LRRC38: variants seen among roughly 807,000 people sequenced by gnomAD.
The protein encoded by LRRC38 is leucine-rich repeat-containing protein 38.
In LRRC38, 5 loss-of-function variants were observed where a neutral mutation model predicts 16.4. The ratio of observed to expected loss-of-function variants is 0.31; its 90% CI spans 0.16 to 0.64. The LOEUF is 0.64. LRRC38 is among the 30% of genes least tolerant of loss of function. The pLI, the probability that LRRC38 is intolerant of heterozygous loss-of-function variation, is 0.80. For missense variants in LRRC38, 341 were observed against 401.8 expected (o/e 0.85, Z 1.29); for synonymous variants, 191 against 190.2 (o/e 1.00, Z -0.04).
rs1177318071 is a variant in LRRC38, at chr1:13,513,012, G to C, written c.582C>G (p.Phe194Leu). The stretch of plus-strand genomic sequence containing the variant: ...CCTGGATCCAGGAGAAGAGGTGGGC[G>C]AAGTCACAGTCGCACAGCCAGGGGT... Reference protein sequence around the residue: ...DGNPWLCDCDFAHLFSWIQEN... With the variant: ...DGNPWLCDCDLAHLFSWIQEN... The change falls in exon 1 of 2, where the codon TTC (phenylalanine) becomes TTG (leucine). Residue 194 changes from phenylalanine (F) to leucine (L), a missense_variant. Coordinates refer to ENST00000376085, the MANE Select transcript of LRRC38 (RefSeq NM_001010847.2). 1 of 1,549,752 alleles carries C rather than the reference G, an allele frequency of 6.5e-7. No individual in the cohort carries two copies. Among genetic ancestry groups the C allele is most frequent in the South Asian group, 1.2e-5 (1 of 83,976 alleles).
chr1:13,511,306 A>G (rs898079318), intron 1 of LRRC38, among the ~76,000 whole-genome samples: 1 of 152,132 alleles, frequency 6.6e-6, no homozygotes, highest in Non-Finnish European at 1.5e-5. Flanking sequence ...GTGAAGCTTA[A>G]AAAACTGGAG....
chr1:13,509,194 T>C (rs1405912363), intron 1 of LRRC38, among the ~76,000 whole-genome samples: 1 of 152,040 alleles, frequency 6.6e-6, no homozygotes, highest in East Asian at 1.9e-4. Flanking sequence ...TACACCTCCA[T>C]GCGTCAAGGT....
chr1:13,499,546 T>C (rs567655407), intron 1 of LRRC38, among the ~76,000 whole-genome samples: 3 of 152,328 alleles, frequency 2.0e-5, no homozygotes, highest in African/African-American at 7.2e-5. Context: ...AGGAATTTGC[T>C]TCCTTTGTCA....
In LRRC38 at chr1:13,476,074, C is replaced by A; in HGVS notation, c.657G>T (p.Leu219=). ...GGGATATCCTCCTGCTCTCCATGGG[C>A]AGGGAGCACTGGATTTCATCAAGGC... is the stretch of plus-strand genomic sequence containing the variant. ...PKGLDEIQCS[L]PMESRRISLR... is the part of the protein sequence containing the mutation. Residue 219 remains leucine, a synonymous_variant, in exon 2 of 2, where the codon CTG becomes CTT. Coordinates refer to ENST00000376085, the MANE Select transcript of LRRC38 (RefSeq NM_001010847.2). 6.4e-7 allele frequency: 1 copy of A among 1,550,532 alleles called. No individual in the cohort carries two copies. The highest frequency in any genetic ancestry group is 1.2e-5 in the South Asian group (1 of 84,048).
At chr1:13,480,115 C>A (rs374115142) in intron 1 of LRRC38, among the ~76,000 whole-genome samples, 1 of 152,200 alleles carries the variant, frequency 6.6e-6, no homozygotes, top group South Asian at 2.1e-4. Flanking sequence ...GAGGCCGAGG[C>A]GGGTGGATTA....
At chr1:13,493,662 G>C in intron 1 of LRRC38, among the ~76,000 whole-genome samples, 1 of 152,192 alleles carries the variant, frequency 6.6e-6, no homozygotes, top group East Asian at 1.9e-4. Flanking sequence ...AGGAGAAAGA[G>C]ATATGCCGAT....
At chr1:13,490,625 T>A (rs1639000416) in intron 1 of LRRC38, among the ~76,000 whole-genome samples, 1 of 151,716 alleles carries the variant, frequency 6.6e-6, no homozygotes, top group African/African-American at 2.4e-5. Context: ...ACACTTCCTA[T>A]GAGTTGAGCC....
chr1:13,502,885 T>C (rs1013967702), intron 1 of LRRC38, among the ~76,000 whole-genome samples: 1 of 152,244 alleles, frequency 6.6e-6, no homozygotes, highest in Admixed American at 6.5e-5. Context: ...TCATTTCTGA[T>C]GTAGATGATC....
At position 13,513,050 on chromosome 1, in the gene LRRC38, G is replaced by T. The variant is rs1463958022; in HGVS notation, c.544C>A (p.Arg182Ser). 9.7e-6 allele frequency: 15 copies of T among 1,549,910 alleles called. No individual in the cohort carries two copies. The highest frequency in any genetic ancestry group is 1.4e-5 in the African/African-American group (1 of 73,018). The change falls in exon 1 of 2, where the codon CGT becomes AGT. Residue 182 changes from arginine to serine, a missense_variant. By Grantham distance (110) the Arg-to-Ser change is moderately radical. Coordinates refer to ENST00000376085, the MANE Select transcript of LRRC38 (RefSeq NM_001010847.2). The stretch of plus-strand genomic sequence containing the variant: ...CACAGCCAGGGGTTCCCGTCCAGAC[G>T]CAGGGAGCGCAGCGCGGGCAGCGCG... ...LAALPALRSL[R>S]LDGNPWLCDC...
intron 1 of LRRC38, among the ~76,000 whole-genome samples, chr1:13,482,396 G>T (rs1356365658): frequency 6.6e-6 from 1 of 152,000 alleles, no homozygotes; most frequent in Non-Finnish European, 1.5e-5. Context: ...AGGCAACATG[G>T]TGAAACCCTG....
At chr1:13,493,354 G>A (rs894814345) in intron 1 of LRRC38, among the ~76,000 whole-genome samples, 3 of 151,970 alleles carry the variant, frequency 2.0e-5, no homozygotes, top group Non-Finnish European at 2.9e-5. Context: ...GCAAGGAGAG[G>A]TTTCATGAGA....
At chr1:13,506,613 G>A (rs1026327124) in intron 1 of LRRC38, among the ~76,000 whole-genome samples, 5 of 152,020 alleles carry the variant, frequency 3.3e-5, no homozygotes, top group African/African-American at 9.7e-5. Context: ...GCACGCCACC[G>A]TGCCCAGCTA....
At chr1:13,499,004 C>G (rs189571) in intron 1 of LRRC38, among the ~76,000 whole-genome samples, 1 of 151,934 alleles carries the variant, frequency 6.6e-6, no homozygotes, top group African/African-American at 2.4e-5. Flanking sequence ...GGCCTTCTCC[C>G]GGTGTGCGTG....
intron 1 of LRRC38, among the ~76,000 whole-genome samples, chr1:13,491,698 C>T (rs893201380): frequency 7.9e-5 from 12 of 151,470 alleles, no homozygotes; most frequent in Admixed American, 2.6e-4. Context: ...TTGTTTGAGA[C>T]GGAGTCTCCC....
intron 1 of LRRC38, among the ~76,000 whole-genome samples, chr1:13,482,671 C>T (rs1252105154): frequency 1.3e-5 from 2 of 151,802 alleles, no homozygotes; most frequent in Non-Finnish European, 2.9e-5. Flanking sequence ...ATCAGCAGGA[C>T]AGTGGAAGGA....
chr1:13,492,940 G>A (rs951413383), intron 1 of LRRC38, among the ~76,000 whole-genome samples: 5 of 151,956 alleles, frequency 3.3e-5, no homozygotes, highest in Admixed American at 6.6e-5. Flanking sequence ...CTCCGACCAC[G>A]TGAGTCCCGT....
At position 13,501,671 on chromosome 1, in the gene LRRC38, G is replaced by T. The variant is rs143782090; in HGVS notation, c.631+11292C>A. Reference sequence around the variant, plus strand: ...TGCAGTGGCACGATCTTGGCTCACTGCAACTTCCAACTCCCAGGTTCAAGC... The same window carrying T: ...TGCAGTGGCACGATCTTGGCTCACTTCAACTTCCAACTCCCAGGTTCAAGC... On this transcript the variant is annotated intron_variant, in intron 1 of 1. Coordinates refer to ENST00000376085, the MANE Select transcript of LRRC38 (RefSeq NM_001010847.2). Among the ~76,000 whole-genome samples, 61 of 89,700 alleles carry T rather than the reference G, an allele frequency of 6.8e-4. 1 individual carries two copies. The highest frequency in any genetic ancestry group is 2.6e-3 in the African/African-American group (58 of 22,728). 58.8% of individuals were successfully genotyped at this position (89,700 alleles called of 152,430 possible).
In LRRC38 at chr1:13,475,791, GGA is replaced by G; in HGVS notation, c.*53_*54del. 4 of 1,532,008 alleles carry G rather than the reference GGA, an allele frequency of 2.6e-6. No homozygotes were observed. The South Asian group carries it at 4.9e-5, about 19-fold the overall frequency. 94.9% of individuals were successfully genotyped at this position (1,532,008 alleles called of 1,614,324 possible). On this transcript the variant is annotated 3_prime_UTR_variant, in exon 2 of 2. Transcript: ENST00000376085. The surrounding 1 kb of genome is among the most constrained non-coding windows in gnomAD (Gnocchi z 4.3). ...ATTTTCAGCATTTCCCTCTCGTCTT[GGA>G]GAGAGCTTCTGGTTCGGTGCTGGAG...
intron 1 of LRRC38, among the ~76,000 whole-genome samples, chr1:13,481,452 C>T (rs1294983212): frequency 1.3e-5 from 2 of 151,158 alleles, no homozygotes; most frequent in African/African-American, 2.4e-5. Context: ...AGTGCACTGG[C>T]ATGATCTCGG....
Sources: allele counts gnomAD v4.1 joint callset (sites outside exome capture counted in the v4.1 genomes callset), GRCh38; gene constraint gnomAD v4.1.1; non-coding constraint Gnocchi (gnomAD v3.1); transcripts MANE v1.5; gene names NCBI Gene and HGNC (gene_info 2026-07-23, HGNC 2026-07-21).